ASIC2: variants seen among roughly 807,000 people sequenced by gnomAD.
ASIC2 encodes the protein acid-sensing ion channel 2.
A neutral mutation model predicts 57.3 loss-of-function variants in ASIC2; 25 were observed. That is an observed-to-expected ratio of 0.44 (90% CI 0.32 to 0.61). The LOEUF is 0.61. Among genes scored for constraint, ASIC2 ranks in the 20% least tolerant of loss-of-function variants. ASIC2 has a pLI of 0.06. For missense variants in ASIC2, 641 were observed against 738.1 expected (o/e 0.87, Z 1.52); for synonymous variants, 319 against 307.5 (o/e 1.04, Z -0.39).
At chr17:33,246,023 T>G (rs1191291286) in intron 1 of ASIC2, among the ~76,000 whole-genome samples, 1 of 98,936 alleles carries the variant, frequency 1.0e-5, no homozygotes. Flanking sequence ...CCTCCCTACC[T>G]CTACTTAAAA....
Position 33,291,439 on chromosome 17 carries a change from C to T in ASIC2, c.677G>A (p.Gly226Asp). 1 of 1,606,854 alleles carries T rather than the reference C, an allele frequency of 6.2e-7. No homozygotes were observed. ...EDMLLSCKYR[G>D]ELCGPHNFSS... is the part of the protein sequence containing the mutation. ...GAAGTTGTGCGGCCCGCAGAGCTCG[C>T]CGCGGTACTTGCAGGAGAGCAGCAT... Residue 226 changes from glycine (G) to aspartate (D), a missense_variant, in exon 1 of 10, where the codon GGC becomes GAC. Physicochemically the swap from Gly to Asp is moderately conservative, Grantham distance 94. This residue lies in a region of ASIC2 where 382 missense variants were observed against 398.0 expected (regional missense o/e 0.96). Transcript: ENST00000225823.
chr17:33,020,754 G>T (rs1193976117), intron 7 of ASIC2, among the ~76,000 whole-genome samples: 2 of 152,118 alleles, frequency 1.3e-5, no homozygotes, highest in East Asian at 3.9e-4. Context: ...ATGCAGCAAT[G>T]TTGCTTTTGG....
chr17:33,493,975 G>A (rs372285506), intron 1 of ASIC2, among the ~76,000 whole-genome samples: 10 of 152,182 alleles, frequency 6.6e-5, no homozygotes, highest in African/African-American at 1.9e-4. Flanking sequence ...TCCTCTCAAA[G>A]GTGGGAGACT....
Position 33,861,525 on chromosome 17 carries a change from C to T in ASIC2, c.555+294453G>A, listed in dbSNP as rs535896388. On this transcript the variant is annotated intron_variant, in intron 1 of 9. Transcript: ENST00000359872. Reference sequence around the variant, plus strand: ...TTACGCATCTAATAACTAAGAATTTCATTTGTGTTAGAAGTATAGAGAGTA... The same window carrying T: ...TTACGCATCTAATAACTAAGAATTTTATTTGTGTTAGAAGTATAGAGAGTA... Among the ~76,000 whole-genome samples, 3 of 152,222 alleles carry T rather than the reference C, an allele frequency of 2.0e-5. No individual in the cohort carries two copies. In the South Asian group the frequency reaches 6.2e-4, roughly 32 times the overall value.
intron 1 of ASIC2, among the ~76,000 whole-genome samples, chr17:33,174,644 C>T (rs569228532): frequency 6.6e-6 from 1 of 152,236 alleles, no homozygotes; most frequent in South Asian, 2.1e-4. Flanking sequence ...ATGGCACTGC[C>T]CTGCAGTGTG....
At chr17:33,912,751 G>A (rs1157737098) in intron 1 of ASIC2, among the ~76,000 whole-genome samples, 1 of 151,600 alleles carries the variant, frequency 6.6e-6, no homozygotes, top group Admixed American at 6.6e-5. Flanking sequence ...AGGCGGAGGT[G>A]GGCGGATCAC....
At chr17:33,295,834 TA>T (rs1436085043), upstream of ASIC2, among the ~76,000 whole-genome samples, 1 of 151,514 alleles carries the variant, frequency 6.6e-6, no homozygotes, top group Non-Finnish European at 1.5e-5. Context: ...GCGGGGGAGG[TA>T]TTTTGGCCTT....
chr17:33,679,294 C>T (rs3103656), intron 1 of ASIC2, among the ~76,000 whole-genome samples: 27,985 of 152,114 alleles, frequency 0.18, 2,782 homozygotes, highest in African/African-American at 0.25. Context: ...AGTGTTTATT[C>T]CAATCACCCC....
chr17:34,137,181 A>C (rs1912150853), intron 1 of ASIC2, among the ~76,000 whole-genome samples: 1 of 152,222 alleles, frequency 6.6e-6, no homozygotes, highest in South Asian at 2.1e-4. Context: ...CCTTCTAAAA[A>C]TATGAGATTC....
chr17:33,439,977 G>A (rs1291440219), intron 1 of ASIC2, among the ~76,000 whole-genome samples: 2 of 152,112 alleles, frequency 1.3e-5, no homozygotes, highest in African/African-American at 4.8e-5. Flanking sequence ...ATTCGGGGAG[G>A]CTTTAGGCTT....
intron 1 of ASIC2, among the ~76,000 whole-genome samples, chr17:33,485,862 G>A (rs1391958316): frequency 6.6e-6 from 1 of 152,160 alleles, no homozygotes; most frequent in Admixed American, 6.5e-5. Flanking sequence ...GCTAATTCAC[G>A]GCTGCTAATA....
intron 1 of ASIC2, among the ~76,000 whole-genome samples, chr17:34,144,627 GTAT>G (rs1424167760): frequency 1.3e-5 from 2 of 152,086 alleles, no homozygotes; most frequent in Non-Finnish European, 1.5e-5. Flanking sequence ...TGGGGTACCA[GTAT>G]TATTATTATT....
At chr17:33,169,760 G>A (rs1214487758) in intron 1 of ASIC2, among the ~76,000 whole-genome samples, 1 of 152,178 alleles carries the variant, frequency 6.6e-6, no homozygotes, top group African/African-American at 2.4e-5. Flanking sequence ...GCCATATATA[G>A]CAGAGGGGGT....
At chr17:33,323,284 T>C (rs561930918) in intron 1 of ASIC2, among the ~76,000 whole-genome samples, 4 of 152,318 alleles carry the variant, frequency 2.6e-5, no homozygotes, top group African/African-American at 9.6e-5. Flanking sequence ...AGTGCTGAGG[T>C]GACCTTCCAT....
chr17:33,644,401 C>T (rs1262121571), intron 1 of ASIC2, among the ~76,000 whole-genome samples: 1 of 152,108 alleles, frequency 6.6e-6, no homozygotes. Flanking sequence ...TCTGTCAATC[C>T]TTATAGGCCT....
intron 1 of ASIC2, among the ~76,000 whole-genome samples, chr17:33,965,305 C>T (rs1905043414): frequency 6.6e-6 from 1 of 152,156 alleles, no homozygotes; most frequent in Non-Finnish European, 1.5e-5. Context: ...GATTCTAAAG[C>T]TCCTGCCCTT....
intron 1 of ASIC2, among the ~76,000 whole-genome samples, chr17:33,369,113 G>C (rs1400392037): frequency 6.6e-6 from 1 of 152,148 alleles, no homozygotes; most frequent in African/African-American, 2.4e-5. Flanking sequence ...AAAGATCCCA[G>C]AAAACTAAAA....
chr17:34,046,555 A>C (rs754565080), intron 1 of ASIC2, among the ~76,000 whole-genome samples: 1 of 152,226 alleles, frequency 6.6e-6, no homozygotes, highest in Admixed American at 6.5e-5. Context: ...CTTGGTTCCA[A>C]ACATGGAGGA....
At position 33,585,988 on chromosome 17, in the gene ASIC2, G is replaced by A. The variant is rs897475905; in HGVS notation, c.556-473921C>T. 3.3e-5 allele frequency among the ~76,000 whole-genome samples: 5 copies of A among 152,228 alleles called. No individual in the cohort carries two copies. In the South Asian group the frequency reaches 6.2e-4, roughly 19 times the overall value. On this transcript the variant is annotated intron_variant, in intron 1 of 9. Transcript: ENST00000359872. ...TAAGTAACTAGGGAAGAAGGATGGC[G>A]GAGTGGTCATGCATGCCTCCGCAAT...
Sources: allele counts gnomAD v4.1 joint callset (sites outside exome capture counted in the v4.1 genomes callset), GRCh38; gene constraint gnomAD v4.1.1; regional missense constraint gnomAD v4.1.1; transcripts MANE v1.5; gene names NCBI Gene and HGNC (gene_info 2026-07-23, HGNC 2026-07-21).